The following ATP8A1 variants were observed in gnomAD, a reference collection of about 807,000 sequenced individuals.
ATP8A1 encodes the protein ATPase phospholipid transporting 8A1, also known as phospholipid-transporting ATPase IA.
ATP8A1 carries 90 observed loss-of-function variants against 177.7 expected under a neutral mutation model. The ratio of observed to expected loss-of-function variants is 0.51; its 90% CI spans 0.43 to 0.60. ATP8A1 has a LOEUF of 0.60. Ranked by LOEUF, ATP8A1 falls within the 20% of genes least tolerant of loss-of-function variation. The pLI is 0.00. For synonymous variants in ATP8A1, 493 were observed against 485.9 expected (o/e 1.01, Z -0.19); for missense variants, 1,072 against 1,392.8 (o/e 0.77, Z 3.67).
intron 29 of ATP8A1, among the ~76,000 whole-genome samples, chr4:42,454,377 C>T (rs1429271279): frequency 6.6e-6 from 1 of 152,166 alleles, no homozygotes; most frequent in Non-Finnish European, 1.5e-5. Flanking sequence ...ATTAACTGTC[C>T]TGAATTCAAG....
At chr4:42,509,760 G>A (rs1724805494) in intron 22 of ATP8A1, among the ~76,000 whole-genome samples, 1 of 149,224 alleles carries the variant, frequency 6.7e-6, no homozygotes, top group Non-Finnish European at 1.5e-5. Flanking sequence ...GCTGAGGCAG[G>A]AGAATGGCAT....
At chr4:42,478,689 T>C (rs1168253791) in intron 25 of ATP8A1, among the ~76,000 whole-genome samples, 1 of 152,208 alleles carries the variant, frequency 6.6e-6, no homozygotes, top group Non-Finnish European at 1.5e-5. Context: ...TGCTGGGGGT[T>C]TTCCTAGAAC....
chr4:42,531,649 T>C lies in ATP8A1; in HGVS notation c.1723-6802A>G, dbSNP rs554525427. 5.7e-4 allele frequency among the ~76,000 whole-genome samples: 87 copies of C among 152,272 alleles called. 1 individual carries two copies. The highest frequency in any genetic ancestry group is 1.8e-3 in the African/African-American group (73 of 41,562). ...ATTGTTCCTCTTTGCTGATGACATATCTTATATCTGCAAAAAACTGAAGAC... is the reference window on the plus strand; with the variant it reads ...ATTGTTCCTCTTTGCTGATGACATACCTTATATCTGCAAAAAACTGAAGAC... On this transcript the variant is annotated intron_variant, in intron 20 of 36. Transcript: ENST00000381668.
intron 1 of ATP8A1, among the ~76,000 whole-genome samples, chr4:42,651,202 CTTTCTTTTG>C (rs1741059541): frequency 6.6e-6 from 1 of 152,140 alleles, no homozygotes; most frequent in African/African-American, 2.4e-5. Flanking sequence ...CATTAAACCT[CTTTCTTTTG>C]TAAATTGCCC....
intron 33 of ATP8A1, among the ~76,000 whole-genome samples, chr4:42,442,446 A>G (rs1716734111): frequency 6.6e-6 from 1 of 152,140 alleles, no homozygotes; most frequent in Non-Finnish European, 1.5e-5. Context: ...GAGGAGACCC[A>G]CTCACGGCAT....
At chr4:42,421,761 T>C (rs891882575) in intron 35 of ATP8A1, among the ~76,000 whole-genome samples, 5 of 152,054 alleles carry the variant, frequency 3.3e-5, no homozygotes, top group African/African-American at 1.2e-4. Flanking sequence ...TAGGGTAAAA[T>C]ATTTCCTATA....
In ATP8A1 at chr4:42,566,057, A is replaced by G. The variant is rs562286330; in HGVS notation, c.1340+3104T>C. On this transcript the variant is annotated intron_variant, in intron 15 of 36. Coordinates refer to ENST00000381668, the MANE Select transcript of ATP8A1 (RefSeq NM_006095.2). ...GGAAATAGTTTTATCTCTATAAACT[A>G]TTTATATTAATACACCTAAGCGAGT... Among the ~76,000 whole-genome samples, 101 of 152,316 alleles carry G rather than the reference A, an allele frequency of 6.6e-4. 1 individual carries two copies. The highest frequency in any genetic ancestry group is 4.4e-5 in the Non-Finnish European group (3 of 68,024).
At chr4:42,644,874 G>A (rs1241436946) in intron 1 of ATP8A1, among the ~76,000 whole-genome samples, 1 of 150,774 alleles carries the variant, frequency 6.6e-6, no homozygotes, top group Non-Finnish European at 1.5e-5. Context: ...CTAGACTGAC[G>A]AAAATATACT....
rs547526738 is a variant in ATP8A1 at position 42,485,610 on chromosome 4, T to A, written c.2210A>T (p.Glu737Val). The change falls in exon 25 of 37, where the codon GAG becomes GTG. Residue 737 changes from glutamate to valine, a missense_variant. Glu to Val is a moderately radical substitution (Grantham distance 121). Coordinates refer to ENST00000381668, the MANE Select transcript of ATP8A1 (RefSeq NM_006095.2). ...CTTLGDALRKENDFALIIDGK... is the reference protein window; with the variant it reads ...CTTLGDALRKVNDFALIIDGK... ...ATCAATTATAAGAGCAAAATCATTC[T>A]CTTTCCGGAGAGCATCACCAAGGGT... is the stretch of plus-strand genomic sequence containing the variant. The A allele has an allele frequency of 2.5e-6, 4 of 1,613,750 alleles. No individual in the cohort carries two copies. In the East Asian group the frequency reaches 6.7e-5, roughly 27 times the overall value.
chr4:42,569,634 A>G (rs1234890204), intron 14 of ATP8A1, among the ~76,000 whole-genome samples: 4 of 152,202 alleles, frequency 2.6e-5, no homozygotes, highest in Admixed American at 2.0e-4. Flanking sequence ...TGTCAAATAC[A>G]TTTTAGAAGT....
intron 5 of ATP8A1, among the ~76,000 whole-genome samples, chr4:42,602,575 C>T (rs1735396130): frequency 6.6e-6 from 1 of 152,078 alleles, no homozygotes; most frequent in Admixed American, 6.6e-5. Flanking sequence ...ACCAGCCTGG[C>T]CAACATGGTG....
rs373184849 is a variant in ATP8A1 at position 42,560,848 on chromosome 4, T to G, written c.1341-4808A>C. Among the ~76,000 whole-genome samples the G allele has an allele frequency of 3.7e-4, 56 of 152,168 alleles. 1 individual carries two copies. The South Asian group carries it at 7.3e-3, about 20-fold the overall frequency. ...GATTGGTGCAAAAGTAATTTGAGAT[T>G]TTTGCCATTAAAAAACAATTGCAAA... On this transcript the variant is annotated intron_variant, in intron 15 of 36. Transcript: ENST00000381668.
At chr4:42,465,445 T>C (rs192071963) in intron 25 of ATP8A1, among the ~76,000 whole-genome samples, 144 of 152,318 alleles carry the variant, frequency 9.5e-4, no homozygotes, top group Non-Finnish European at 3.8e-4. Flanking sequence ...AAATCCTACA[T>C]AGTAGCTGGA....
intron 27 of ATP8A1, among the ~76,000 whole-genome samples, chr4:42,460,363 T>G (rs371477972): frequency 6.7e-6 from 1 of 149,416 alleles, no homozygotes; most frequent in African/African-American, 2.5e-5. Context: ...GATTTCCATA[T>G]AGCAAATGGA....
intron 27 of ATP8A1, among the ~76,000 whole-genome samples, chr4:42,460,763 C>T (rs1450301963): frequency 6.6e-6 from 1 of 152,146 alleles, no homozygotes; most frequent in Non-Finnish European, 1.5e-5. Flanking sequence ...AAACATCTAT[C>T]TGTAAGGGAA....
At chr4:42,443,999 C>G (rs1716933931) in intron 32 of ATP8A1, among the ~76,000 whole-genome samples, 1 of 152,172 alleles carries the variant, frequency 6.6e-6, no homozygotes, top group Admixed American at 6.5e-5. Flanking sequence ...CTCACCGAAA[C>G]ATGTCAGACC....
chr4:42,490,455 C>A (rs920995634), intron 24 of ATP8A1, among the ~76,000 whole-genome samples: 1 of 152,300 alleles, frequency 6.6e-6, no homozygotes, highest in Admixed American at 6.5e-5. Context: ...TACTCCAGAC[C>A]TTTTCTTCTC....
At chr4:42,500,475 T>C (rs2153192753) in intron 24 of ATP8A1, among the ~76,000 whole-genome samples, 1 of 152,324 alleles carries the variant, frequency 6.6e-6, no homozygotes, top group South Asian at 2.1e-4. Context: ...ACAGCAGCAC[T>C]ATAGAAAGTT....
At chr4:42,508,681 CAACT>C (rs1272515422) in intron 22 of ATP8A1, among the ~76,000 whole-genome samples, 2 of 152,222 alleles carry the variant, frequency 1.3e-5, no homozygotes, top group Non-Finnish European at 1.5e-5. Context: ...AGGCCACAAC[CAACT>C]GATTCTCAGT....
Sources: allele counts gnomAD v4.1 joint callset (sites outside exome capture counted in the v4.1 genomes callset), GRCh38; gene constraint gnomAD v4.1.1; transcripts MANE v1.5; gene names NCBI Gene and HGNC (gene_info 2026-07-23, HGNC 2026-07-21).